The following THOC2 variants were observed in gnomAD, a reference collection of about 807,000 sequenced individuals.
THOC2 encodes the protein THO complex subunit 2, also known as THO complex 2.
THOC2 carries 10 observed loss-of-function variants against 128.4 expected under a neutral mutation model. The observed-to-expected ratio is 0.08, with a 90% CI of 0.05 to 0.13. The LOEUF is 0.13. Ranked by LOEUF, THOC2 falls within the 10% of genes least tolerant of loss-of-function variation. THOC2 has a pLI of 1.00. For missense variants in THOC2, 535 were observed against 1,155.7 expected (o/e 0.46, Z 7.79); for synonymous variants, 393 against 396.9 (o/e 0.99, Z 0.12).
intron 4 of THOC2, among the ~76,000 whole-genome samples, chrX:123,702,322 T>C (rs1218691985): frequency 9.2e-6 from 1 of 108,929 alleles, no homozygotes; most frequent in African/African-American, 3.3e-5. Context: ...CAATGTCTTC[T>C]ATTAGATTCA....
At chrX:123,682,377 T>C (rs1005433618) in intron 8 of THOC2, among the ~76,000 whole-genome samples, 1 of 111,319 alleles carries the variant, frequency 9.0e-6, no homozygotes, top group African/African-American at 3.3e-5. Context: ...TGTGATCTCA[T>C]CCCCCACATC....
chrX:123,722,301 A>C (rs1426844352), intron 1 of THOC2, among the ~76,000 whole-genome samples: 1 of 112,048 alleles, frequency 8.9e-6, no homozygotes, highest in African/African-American at 3.2e-5. Flanking sequence ...ACAAGAGTAA[A>C]AACTTGGTAC....
At chrX:123,724,603 T>A (rs750467903) in intron 1 of THOC2, among the ~76,000 whole-genome samples, 1 of 111,133 alleles carries the variant, frequency 9.0e-6, no homozygotes, top group African/African-American at 3.3e-5. Flanking sequence ...GAGAATCGCA[T>A]GAACCCAGGA....
intron 7 of THOC2, among the ~76,000 whole-genome samples, chrX:123,687,264 T>C (rs1008775733): frequency 8.9e-6 from 1 of 111,787 alleles, no homozygotes; most frequent in Non-Finnish European, 1.9e-5. Flanking sequence ...TTTATATCCA[T>C]GGCTTTTAGT....
chrX:123,717,803 G>A (rs1192625835), intron 1 of THOC2, among the ~76,000 whole-genome samples: 2 of 111,972 alleles, frequency 1.8e-5, no homozygotes, highest in Admixed American at 9.5e-5. Context: ...ATCCACGGGG[G>A]ATTGGTTCCA....
At chrX:123,732,852 G>T in intron 1 of THOC2, 100 bp downstream of exon 1, 1 of 915,451 alleles carries the variant, frequency 1.1e-6, no homozygotes, top group Non-Finnish European at 1.6e-6. Context: ...GGTGGGGGAG[G>T]GGGTACATCT....
intron 7 of THOC2, among the ~76,000 whole-genome samples, chrX:123,694,281 A>G (rs762912569): frequency 4.6e-4 from 51 of 111,651 alleles, no homozygotes; most frequent in African/African-American, 1.7e-3. Flanking sequence ...CTCAAGCTAG[A>G]TCAAAAAACA....
chrX:123,644,007 T>C (rs116692541), intron 15 of THOC2, among the ~76,000 whole-genome samples: 85 of 112,538 alleles, frequency 7.6e-4, no homozygotes, highest in African/African-American at 2.6e-3. Context: ...TAATCTGAAG[T>C]ACATGATTTT....
At chrX:123,623,619 G>C (rs1454260113) in intron 28 of THOC2, 168 bp downstream of exon 28, 3 of 1,098,409 alleles carry the variant, frequency 2.7e-6, no homozygotes, top group Admixed American at 5.2e-5. Context: ...ACCGGAAGTT[G>C]ATAATCAGAA....
chrX:123,641,075 T>G, intron 15 of THOC2, among the ~76,000 whole-genome samples: 1 of 111,388 alleles, frequency 9.0e-6, no homozygotes, highest in Admixed American at 9.5e-5. Flanking sequence ...ATCTGTAAAC[T>G]TATGTAACTT....
At chrX:123,668,522 G>A (rs1268038674) in intron 9 of THOC2, among the ~76,000 whole-genome samples, 2 of 112,046 alleles carry the variant, frequency 1.8e-5, no homozygotes, top group Non-Finnish European at 3.8e-5. Context: ...AAATCAAGTC[G>A]CAGCTCAAAG....
intron 1 of THOC2, among the ~76,000 whole-genome samples, chrX:123,718,715 C>T (rs982110451): frequency 8.4e-5 from 9 of 107,269 alleles, no homozygotes; most frequent in East Asian, 6.0e-4. Flanking sequence ...GCCAAGATCG[C>T]GGCACTGCAC....
chrX:123,628,309 T>C (rs182305143), intron 22 of THOC2, among the ~76,000 whole-genome samples: 78 of 111,492 alleles, frequency 7.0e-4, no homozygotes, highest in African/African-American at 2.3e-3. Context: ...GGATTGAACA[T>C]GTAGGGTTTC....
chrX:123,645,281 T>C (rs1342536786), intron 13 of THOC2, 53 bp downstream of exon 13: 2 of 883,217 alleles, frequency 2.3e-6, no homozygotes, highest in Non-Finnish European at 3.2e-6. Flanking sequence ...ATTTGTAATA[T>C]ACTGTAGCAA....
At chrX:123,671,633 G>T in intron 9 of THOC2, 36 bp downstream of exon 9, 1 of 935,657 alleles carries the variant, frequency 1.1e-6, no homozygotes, top group Non-Finnish European at 1.5e-6. Context: ...CCTTGGGACA[G>T]ACAATCAAGT....
intron 7 of THOC2, among the ~76,000 whole-genome samples, chrX:123,688,308 T>C (rs958950564): frequency 8.9e-6 from 1 of 112,138 alleles, no homozygotes; most frequent in South Asian, 3.7e-4. Context: ...GAACTACTGA[T>C]ACAGGTAACA....
intron 12 of THOC2, among the ~76,000 whole-genome samples, chrX:123,656,062 C>T (rs1483119034): frequency 9.2e-6 from 1 of 108,125 alleles, no homozygotes; most frequent in East Asian, 2.9e-4. Context: ...GTGGCTCATG[C>T]CTGTAATCCC....
chrX:123,615,529 A>G (rs778528711), intron 33 of THOC2, among the ~76,000 whole-genome samples: 1 of 109,993 alleles, frequency 9.1e-6, no homozygotes, highest in Non-Finnish European at 1.9e-5. Flanking sequence ...AGATTTTTCT[A>G]ATCGTGAGGT....
At chrX:123,693,332 G>A (rs2050307881) in intron 7 of THOC2, among the ~76,000 whole-genome samples, 1 of 111,465 alleles carries the variant, frequency 9.0e-6, no homozygotes, top group Admixed American at 9.5e-5. Context: ...TGGGCATGGT[G>A]GTGCACGCCT....
Sources: allele counts gnomAD v4.1 joint callset (sites outside exome capture counted in the v4.1 genomes callset), GRCh38; gene constraint gnomAD v4.1.1; transcripts MANE v1.5; gene names NCBI Gene and HGNC (gene_info 2026-07-23, HGNC 2026-07-21).